The following DESI1 variants were observed in gnomAD, a reference collection of about 807,000 sequenced individuals.
DESI1 encodes the protein PPPDE peptidase domain containing 2.
Under a neutral mutation model 22.4 loss-of-function variants are expected in DESI1, and 17 were observed. The observed-to-expected ratio is 0.76, with a 90% CI of 0.52 to 1.14. DESI1 has a LOEUF of 1.14. Among genes scored for constraint, DESI1 ranks in the 50% most tolerant of loss-of-function variants. The pLI is 0.00. For synonymous variants in DESI1, 92 were observed against 84.2 expected, an observed-to-expected ratio of 1.09 and a Z score of -0.51; for missense variants, 177 against 208.9, an observed-to-expected ratio of 0.85 and a Z score of 0.94.
At chr22:41,602,286 T>C in intron 5 of DESI1, 1 of 985,312 alleles carries the variant, frequency 1.0e-6, no homozygotes, top group East Asian at 1.1e-4. Flanking sequence ...ACCCATAAAA[T>C]AATAACAGCA....
intron 4 of DESI1, 112 bp downstream of exon 4, chr22:41,603,932 G>A (rs372389736): frequency 3.3e-6 from 3 of 912,464 alleles, no homozygotes; most frequent in Non-Finnish European, 4.9e-6. Context: ...AAAAAACTGG[G>A]CCAGGCCTTG....
intron 1 of DESI1, among the ~76,000 whole-genome samples, chr22:41,609,003 G>C (rs777850011): frequency 1.3e-5 from 2 of 152,110 alleles, no homozygotes; most frequent in African/African-American, 4.8e-5. Context: ...GTGAAGTGAC[G>C]TGATCTCGGC....
chr22:41,601,565 C>T (rs940455871), intron 5 of DESI1, among the ~76,000 whole-genome samples: 1 of 150,074 alleles, frequency 6.7e-6, no homozygotes, highest in African/African-American at 2.4e-5. Flanking sequence ...CAAATTTAAG[C>T]AGGGAAACTG....
At position 41,601,031 on chromosome 22, in the gene DESI1, T is replaced by C. The variant is rs2067446872; in HGVS notation, c.*66A>G. ...GATGTAAAATTATAAAATAGAAATC[T>C]GGTAGGGTTTGTTTTGTTTAAAAAG... On this transcript the variant is annotated 3_prime_UTR_variant, in exon 6 of 6. Transcript: ENST00000263256. 19 of 1,382,038 alleles carry C rather than the reference T, an allele frequency of 1.4e-5. No homozygotes were observed. Among genetic ancestry groups the C allele is most frequent in the Non-Finnish European group, 1.9e-5 (19 of 992,086 alleles). The allele number at this position is 1,382,038 out of a possible 1,614,324, so 85.6% of individuals were successfully genotyped here.
At chr22:41,618,710 C>T (rs774300605) in intron 1 of DESI1, among the ~76,000 whole-genome samples, 3 of 152,118 alleles carry the variant, frequency 2.0e-5, no homozygotes, top group Non-Finnish European at 4.4e-5. Context: ...ATATCTGATT[C>T]CTCACTATGA....
intron 5 of DESI1, 51 bp downstream of exon 5, chr22:41,603,208 G>A: frequency 6.2e-7 from 1 of 1,612,936 alleles, no homozygotes; most frequent in Non-Finnish European, 8.5e-7. Context: ...ACCGTGAATG[G>A]GGATTTTCAA....
chr22:41,615,024 T>C (rs1248468964), intron 1 of DESI1, among the ~76,000 whole-genome samples: 1 of 151,466 alleles, frequency 6.6e-6, no homozygotes, highest in East Asian at 2.0e-4. Context: ...TCAGGCCACA[T>C]GCAGTGGCTC....
At chr22:41,603,516 A>C in intron 4 of DESI1, 135 bp from the exon 5 acceptor site, 3 of 1,374,112 alleles carry the variant, frequency 2.2e-6, no homozygotes, top group Non-Finnish European at 3.0e-6. Flanking sequence ...ATACACCAGA[A>C]AAGCACTGCT....
intron 3 of DESI1, 184 bp from the exon 4 acceptor site, chr22:41,604,337 C>G (rs1569065944): frequency 2.1e-6 from 1 of 474,120 alleles, no homozygotes; most frequent in African/African-American, 2.0e-5. Flanking sequence ...CCTCCGCCTC[C>G]CGGGTTCAAG....
Position 41,599,564 on chromosome 22 carries a change from T to G in DESI1, c.*1533A>C, listed in dbSNP as rs2067438098. On this transcript the variant is annotated 3_prime_UTR_variant, in exon 6 of 6. Coordinates refer to ENST00000263256, the MANE Select transcript of DESI1 (RefSeq NM_015704.3). ...TCTTGCCACCTTGATTCCACTTCAT[T>G]ATTTTATTTTTTTGAGATGGAGTCT... 1 of 152,116 alleles carries G rather than the reference T, an allele frequency of 6.6e-6. No homozygotes were observed. Among genetic ancestry groups the G allele is most frequent in the Non-Finnish European group, 1.5e-5 (1 of 68,020 alleles). 9.4% of individuals were successfully genotyped at this position (152,116 alleles called of 1,614,324 possible). A position where few individuals can be genotyped will look rare whatever the true frequency, so the allele number is the denominator to read the frequency against.
intron 1 of DESI1, among the ~76,000 whole-genome samples, chr22:41,612,456 G>T (rs1332318086): frequency 6.7e-6 from 1 of 149,260 alleles, no homozygotes; most frequent in Non-Finnish European, 1.5e-5. Flanking sequence ...AGTGAGCTGC[G>T]ATTGCACCAC....
chr22:41,615,016 A>G (rs1601515485), intron 1 of DESI1, among the ~76,000 whole-genome samples: 2 of 151,748 alleles, frequency 1.3e-5, no homozygotes, highest in Admixed American at 1.3e-4. Context: ...ACCACTGGTC[A>G]GGCCACATGC....
chr22:41,600,987 T>C lies in DESI1; in HGVS notation c.*110A>G, dbSNP rs1601506966. On this transcript the variant is annotated 3_prime_UTR_variant, in exon 6 of 6. Transcript: ENST00000263256. Reference sequence around the variant, plus strand: ...CTTCCCTGGGAAATTTAAAAAGCCGTCCCCTGGTTGTTAGCTCTGATGTAA... The same window carrying C: ...CTTCCCTGGGAAATTTAAAAAGCCGCCCCCTGGTTGTTAGCTCTGATGTAA... 6.8e-6 allele frequency: 7 copies of C among 1,029,130 alleles called. No individual in the cohort carries two copies. The South Asian group carries it at 7.1e-5, about 11-fold the overall frequency. 63.7% of individuals were successfully genotyped at this position (1,029,130 alleles called of 1,614,324 possible).
intron 1 of DESI1, among the ~76,000 whole-genome samples, chr22:41,609,891 C>G (rs1045925263): frequency 6.7e-6 from 1 of 149,872 alleles, no homozygotes; most frequent in African/African-American, 2.5e-5. Flanking sequence ...AGTTCGAGAC[C>G]AGCCTGGTCA....
chr22:41,619,818 G>T (rs1007958116), intron 1 of DESI1, among the ~76,000 whole-genome samples: 3 of 152,156 alleles, frequency 2.0e-5, no homozygotes, highest in African/African-American at 7.2e-5. Flanking sequence ...CTCCACAGAA[G>T]CCAGGAAAAA....
At chr22:41,610,745 C>T (rs1207185035) in intron 1 of DESI1, among the ~76,000 whole-genome samples, 16 of 151,934 alleles carry the variant, frequency 1.1e-4, no homozygotes, top group Non-Finnish European at 2.9e-5. Flanking sequence ...TGGTGGCAGG[C>T]GCCTGTAATC....
chr22:41,618,820 G>A (rs1045494589), intron 1 of DESI1, among the ~76,000 whole-genome samples: 4 of 152,150 alleles, frequency 2.6e-5, no homozygotes, highest in African/African-American at 9.7e-5. Context: ...ATCCCAGCAC[G>A]TTGGGAGGCC....
In DESI1 at chr22:41,607,480, A is replaced by G. The variant is rs879432896; in HGVS notation, c.111-149T>C. 39 of 730,426 alleles carry G rather than the reference A, an allele frequency of 5.3e-5. No individual in the cohort carries two copies. The African/African-American group carries it at 6.4e-4, about 12-fold the overall frequency. 45.2% of individuals were successfully genotyped at this position (730,426 alleles called of 1,614,324 possible). A position where few individuals can be genotyped will look rare whatever the true frequency, so the allele number is the denominator to read the frequency against. On this transcript the variant is annotated intron_variant, in intron 2 of 5. Coordinates refer to ENST00000263256, the MANE Select transcript of DESI1 (RefSeq NM_015704.3). ...CCAACAAACCAAAGGTATGAATATG[A>G]TAAATACCACAGATCAGGGCTTCTC...
rs1401188985 is a variant in DESI1 at position 41,620,746 on chromosome 22, C to A, written c.88+6G>T. On this transcript the variant is annotated splice_donor_region_variant and intron_variant, in intron 1 of 5. Coordinates refer to ENST00000263256, the MANE Select transcript of DESI1 (RefSeq NM_015704.3). ...CCTCCTGCCCACCTGGCCCCTTCCC[C>A]CTCACCCAGCATGATGGGGCTGAGC... 2 of 1,605,798 alleles carry A rather than the reference C, an allele frequency of 1.2e-6. No individual in the cohort carries two copies. The highest frequency in any genetic ancestry group is 2.7e-5 in the African/African-American group (2 of 74,610).
Sources: allele counts gnomAD v4.1 joint callset (sites outside exome capture counted in the v4.1 genomes callset), GRCh38; gene constraint gnomAD v4.1.1; transcripts MANE v1.5; gene names NCBI Gene and HGNC (gene_info 2026-07-23, HGNC 2026-07-21).